Variants in ITGB3BP observed in about 807,000 individuals in gnomAD.
ITGB3BP encodes centromere protein R.
Under a neutral mutation model 29.1 loss-of-function variants are expected in ITGB3BP, and 27 were observed. That is an observed-to-expected ratio of 0.93 (90% CI 0.68 to 1.28). ITGB3BP has a LOEUF of 1.28. Among genes scored for constraint, ITGB3BP ranks in the 50% most tolerant of loss-of-function variants. The pLI, the probability that ITGB3BP is intolerant of heterozygous loss-of-function variation, is 0.00. For missense variants in ITGB3BP, 192 were observed against 200.2 expected (o/e 0.96, Z 0.25); for synonymous variants, 61 against 61.4 (o/e 0.99, Z 0.03).
intron 8 of ITGB3BP, chr1:63,446,585 C>G (rs1644793594): frequency 2.0e-6 from 1 of 510,012 alleles, no homozygotes; most frequent in South Asian, 3.4e-5. Flanking sequence ...GCGTCGTCAG[C>G]TCAACAGTTC....
chr1:63,494,849 C>A (rs887811836), intron 2 of ITGB3BP, among the ~76,000 whole-genome samples: 2 of 152,170 alleles, frequency 1.3e-5, no homozygotes, highest in Non-Finnish European at 2.9e-5. Flanking sequence ...GTCGCCTAGA[C>A]TGAAGTGCAG....
chr1:63,472,698 A>G (rs975856189), intron 4 of ITGB3BP, among the ~76,000 whole-genome samples: 2 of 145,704 alleles, frequency 1.4e-5, no homozygotes, highest in Non-Finnish European at 3.0e-5. Context: ...GCTGGTCTCC[A>G]GCTCCTAACC....
intron 4 of ITGB3BP, among the ~76,000 whole-genome samples, chr1:63,472,643 G>A (rs1275347240): frequency 7.0e-6 from 1 of 142,866 alleles, no homozygotes; most frequent in Non-Finnish European, 1.5e-5. Flanking sequence ...ATTGGTTTTC[G>A]TTTTTTTTTT....
At chr1:63,453,895 T>A in intron 7 of ITGB3BP, 23 bp downstream of exon 7, 2 of 1,435,700 alleles carry the variant, frequency 1.4e-6, no homozygotes, top group Non-Finnish European at 1.9e-6. Context: ...CTTTATGTAA[T>A]AAACTAAAAC....
At chr1:63,500,643 A>G (rs1645904530) in intron 2 of ITGB3BP, among the ~76,000 whole-genome samples, 1 of 152,212 alleles carries the variant, frequency 6.6e-6, no homozygotes, top group African/African-American at 2.4e-5. Flanking sequence ...ATCTAAATAA[A>G]CAGAAATATA....
chr1:63,522,720 A>G (rs1646483763), intron 1 of ITGB3BP, among the ~76,000 whole-genome samples: 1 of 152,176 alleles, frequency 6.6e-6, no homozygotes, highest in South Asian at 2.1e-4. Flanking sequence ...CCAGGTATCT[A>G]GACCCACTCA....
chr1:63,486,533 A>C (rs1036602060), intron 3 of ITGB3BP, among the ~76,000 whole-genome samples: 5 of 152,104 alleles, frequency 3.3e-5, no homozygotes, highest in African/African-American at 1.2e-4. Flanking sequence ...ATCATAAGGA[A>C]GATAAAATAT....
intron 8 of ITGB3BP, chr1:63,442,835 G>A (rs986969050): frequency 3.3e-5 from 5 of 152,148 alleles, no homozygotes; most frequent in African/African-American, 9.7e-5. Flanking sequence ...AATACACAGC[G>A]CTTTGTTCAT....
intron 2 of ITGB3BP, among the ~76,000 whole-genome samples, chr1:63,493,429 C>CAAAT (rs1645709796): frequency 6.7e-6 from 1 of 150,294 alleles, no homozygotes; most frequent in Non-Finnish European, 1.5e-5. Flanking sequence ...AACAAACAAA[C>CAAAT]AAACAAACAA....
rs766264013 is a variant in ITGB3BP, at chr1:63,508,547, T to A, written c.29A>T (p.Asp10Val). Residue 10 changes from aspartate to valine, a missense_variant, in exon 2 of 9, where the codon GAT becomes GTT. Physicochemically the swap from Asp to Val is radical, Grantham distance 152 (BLOSUM62 -3). Transcript: ENST00000271002. MPVKRSLKL[D>V]GLLEENSFDP... ...ACTTACATTTTCTTCTAACAGACCATCCAACTTCAGTGATCTTTTAACACT... is the reference window on the plus strand; with the variant it reads ...ACTTACATTTTCTTCTAACAGACCAACCAACTTCAGTGATCTTTTAACACT... 2.1e-6 allele frequency: 3 copies of A among 1,430,662 alleles called. No homozygotes were observed. Among genetic ancestry groups the A allele is most frequent in the Admixed American group, 2.2e-5 (1 of 44,860 alleles). 88.6% of individuals were successfully genotyped at this position (1,430,662 alleles called of 1,614,324 possible). A position where few individuals can be genotyped will look rare whatever the true frequency, so the allele number is the denominator to read the frequency against.
chr1:63,523,029 C>T (rs768294601), intron 1 of ITGB3BP, 100 bp downstream of exon 1: 5 of 1,453,810 alleles, frequency 3.4e-6, no homozygotes, highest in Admixed American at 3.3e-5. Context: ...GTTCATACTC[C>T]GAAAAAATAG....
intron 1 of ITGB3BP, among the ~76,000 whole-genome samples, chr1:63,514,021 G>T (rs1025238053): frequency 1.3e-5 from 2 of 152,224 alleles, no homozygotes; most frequent in Non-Finnish European, 2.9e-5. Flanking sequence ...TATGAGGAGG[G>T]TACCTCAGGC....
At chr1:63,502,448 A>G (rs1645955097) in intron 2 of ITGB3BP, among the ~76,000 whole-genome samples, 2 of 151,522 alleles carry the variant, frequency 1.3e-5, no homozygotes, top group Non-Finnish European at 1.5e-5. Context: ...AAGAGGTTTA[A>G]TTGCACTTAC....
At chr1:63,453,497 T>C (rs1378069047) in intron 7 of ITGB3BP, 1 of 158,070 alleles carries the variant, frequency 6.3e-6, no homozygotes, top group Non-Finnish European at 1.4e-5. Context: ...GAGTTCATAG[T>C]AGAACAAAGC....
At chr1:63,484,585 T>C (rs12079558) in intron 3 of ITGB3BP, among the ~76,000 whole-genome samples, 6,102 of 152,216 alleles carry the variant, frequency 0.04, 381 homozygotes, top group African/African-American at 0.14. Context: ...TGATTCCTAA[T>C]TGTATGAAAT....
chr1:63,478,785 G>C lies in ITGB3BP; in HGVS notation c.233C>G (p.Ser78Cys), dbSNP rs1468751144. ...NHPSLTESKESTTKDNDEFMM... is the reference protein window; with the variant it reads ...NHPSLTESKECTTKDNDEFMM... ...TTACTCATCATTGTCTTTTGTTGTA[G>C]ATTCTTTGCTTTCAGTTAAACTGGG... is the stretch of plus-strand genomic sequence containing the variant. Residue 78 changes from serine (S) to cysteine (C), a missense_variant, in exon 4 of 9, where the codon TCT becomes TGT. Physicochemically the swap from Ser to Cys is moderately radical, Grantham distance 112. Coordinates refer to ENST00000271002, the MANE Select transcript of ITGB3BP (RefSeq NM_014288.5). 2.1e-6 allele frequency: 3 copies of C among 1,462,264 alleles called. No homozygotes were observed. Among genetic ancestry groups the C allele is most frequent in the Non-Finnish European group, 2.8e-6 (3 of 1,079,242 alleles). The allele number at this position is 1,462,264 out of a possible 1,614,324, so 90.6% of individuals were successfully genotyped here. A position where few individuals can be genotyped will look rare whatever the true frequency, so the allele number is the denominator to read the frequency against.
chr1:63,514,495 T>C (rs1274580785), intron 1 of ITGB3BP, among the ~76,000 whole-genome samples: 3 of 152,220 alleles, frequency 2.0e-5, no homozygotes, highest in Non-Finnish European at 4.4e-5. Context: ...TTTGTGTATC[T>C]TCTTTTATTA....
At chr1:63,466,361 G>A (rs1024428593) in intron 4 of ITGB3BP, among the ~76,000 whole-genome samples, 2 of 152,116 alleles carry the variant, frequency 1.3e-5, no homozygotes, top group African/African-American at 2.4e-5. Context: ...TACATATGAC[G>A]ACAACATACG....
chr1:63,525,790 CTTTT>C (rs1179176597), upstream of ITGB3BP: 1 of 1,438,712 alleles, frequency 7.0e-7, no homozygotes, highest in East Asian at 2.6e-5. Flanking sequence ...AATCTTTCAC[CTTTT>C]TGTTGAAAGT....
Sources: allele counts gnomAD v4.1 joint callset (sites outside exome capture counted in the v4.1 genomes callset), GRCh38; gene constraint gnomAD v4.1.1; transcripts MANE v1.5; gene names NCBI Gene and HGNC (gene_info 2026-07-23, HGNC 2026-07-21).